Variants in LMNTD1 observed in about 807,000 individuals in gnomAD.
LMNTD1 encodes lamin tail domain containing 1, also known as lamin tail domain-containing protein 1.
LMNTD1 carries 35 observed loss-of-function variants against 50.9 expected under a neutral mutation model. The ratio of observed to expected loss-of-function variants is 0.69; its 90% CI spans 0.53 to 0.91. The LOEUF (loss-of-function observed/expected upper bound fraction) is 0.91, where lower values mean the gene tolerates loss of function less well. Among genes scored for constraint, LMNTD1 ranks in the 40% least tolerant of loss-of-function variants. LMNTD1 has a pLI of 0.00. For missense variants in LMNTD1, 470 were observed against 475.5 expected (o/e 0.99, Z 0.11); for synonymous variants, 153 against 161.9 (o/e 0.94, Z 0.42).
intron 9 of LMNTD1, among the ~76,000 whole-genome samples, chr12:25,483,641 G>A (rs541655138): frequency 4.6e-5 from 7 of 151,712 alleles, no homozygotes; most frequent in South Asian, 2.1e-4. Context: ...TCATGGTGGC[G>A]CTTGCCTGTA....
intron 1 of LMNTD1, among the ~76,000 whole-genome samples, chr12:25,603,318 T>C (rs1946019332): frequency 6.6e-6 from 1 of 152,102 alleles, no homozygotes; most frequent in South Asian, 2.1e-4. Flanking sequence ...AGATGGGATC[T>C]CACTGTGTTG....
At chr12:25,516,865 AAAAC>A (rs1354954610) in intron 8 of LMNTD1, among the ~76,000 whole-genome samples, 3 of 151,800 alleles carry the variant, frequency 2.0e-5, no homozygotes, top group Admixed American at 1.3e-4. Context: ...TTACAAGAAA[AAAAC>A]AAACAATGCC....
chr12:25,520,139 GATATACATATATATATATATATAT>G lies in LMNTD1; in HGVS notation c.799-88_799-65del, dbSNP rs1256508291. 110 of 152,448 alleles carry G rather than the reference GATATACATATATATATATATATAT, an allele frequency of 7.2e-4. 27 individuals are homozygous for G. The East Asian group carries it at 0.018, about 25-fold the overall frequency. 9.4% of individuals were successfully genotyped at this position (152,448 alleles called of 1,614,324 possible). On this transcript the variant is annotated intron_variant, in intron 6 of 9. Transcript: ENST00000458174. ...TGAGGTTTACAACATGCTGTTATGA[GATATACATATATATATATATATAT>G]ATATATATATATAGTAAAATGGTTA...
chr12:25,572,573 G>T lies in LMNTD1; in HGVS notation c.59-26019C>A, dbSNP rs1944840536. 2.0e-5 allele frequency among the ~76,000 whole-genome samples: 3 copies of T among 152,104 alleles called. No individual in the cohort carries two copies. The South Asian group carries it at 6.2e-4, about 32-fold the overall frequency. On this transcript the variant is annotated intron_variant, in intron 1 of 7. Transcript: ENST00000445693. The stretch of plus-strand genomic sequence containing the variant: ...AACTCACAACATTGAAACCTGCAGG[G>T]TTACACTGGGGAGGAGGGGAAGGAA...
At chr12:25,578,413 C>CT (rs958338674) in intron 1 of LMNTD1, among the ~76,000 whole-genome samples, 9 of 151,914 alleles carry the variant, frequency 5.9e-5, no homozygotes, top group African/African-American at 1.9e-4. Flanking sequence ...AACTCCATAG[C>CT]TTTTTTTTCC....
chr12:25,633,747 T>C (rs1478656730), intron 1 of LMNTD1, among the ~76,000 whole-genome samples: 1 of 152,030 alleles, frequency 6.6e-6, no homozygotes, highest in Non-Finnish European at 1.5e-5. Flanking sequence ...ACTGACATTC[T>C]AAGGTCACAC....
intron 1 of LMNTD1, among the ~76,000 whole-genome samples, chr12:25,629,086 G>C (rs1363946675): frequency 6.6e-6 from 1 of 151,638 alleles, no homozygotes; most frequent in Non-Finnish European, 1.5e-5. Context: ...TGAAGATGTA[G>C]AAATGTTTAT....
chr12:25,479,272 T>C (rs1469918409), intron 9 of LMNTD1, among the ~76,000 whole-genome samples: 3 of 152,140 alleles, frequency 2.0e-5, no homozygotes, highest in East Asian at 1.9e-4. Flanking sequence ...GCAGAACGTA[T>C]TGTCGTGGGA....
At chr12:25,569,195 A>G (rs973945667) in intron 1 of LMNTD1, among the ~76,000 whole-genome samples, 8 of 151,762 alleles carry the variant, frequency 5.3e-5, no homozygotes, top group African/African-American at 1.7e-4. Context: ...TCCACCCATT[A>G]TACAGTGTGC....
At chr12:25,543,464 A>T (rs1386987954) in intron 4 of LMNTD1, among the ~76,000 whole-genome samples, 1 of 152,010 alleles carries the variant, frequency 6.6e-6, no homozygotes, top group African/African-American at 2.4e-5. Context: ...TTAACATTAA[A>T]AAAGAAAAAC....
intron 1 of LMNTD1, among the ~76,000 whole-genome samples, chr12:25,601,542 T>C (rs1945974881): frequency 6.6e-6 from 1 of 151,936 alleles, no homozygotes; most frequent in Admixed American, 6.6e-5. Flanking sequence ...TTATGAAGCA[T>C]TGCATGCCTG....
At chr12:25,559,761 C>G (rs548192201) in intron 1 of LMNTD1, among the ~76,000 whole-genome samples, 1 of 152,290 alleles carries the variant, frequency 6.6e-6, no homozygotes, top group East Asian at 1.9e-4. Context: ...GATGGTATCT[C>G]ATTGTGGTTT....
intron 2 of LMNTD1, among the ~76,000 whole-genome samples, chr12:25,551,908 T>C (rs1943767022): frequency 6.6e-6 from 1 of 152,214 alleles, no homozygotes; most frequent in Admixed American, 6.5e-5. Context: ...CCTCCGTAAT[T>C]GATTAACATT....
chr12:25,561,494 T>C (rs1334740758), intron 1 of LMNTD1, among the ~76,000 whole-genome samples: 3 of 152,232 alleles, frequency 2.0e-5, no homozygotes, highest in Non-Finnish European at 2.9e-5. Context: ...GATTGCACTG[T>C]GGTCTGAGAG....
intron 1 of LMNTD1, among the ~76,000 whole-genome samples, chr12:25,590,695 A>G (rs1945670960): frequency 6.6e-6 from 1 of 152,174 alleles, no homozygotes; most frequent in African/African-American, 2.4e-5. Flanking sequence ...TTTGTCTGGC[A>G]TCTTGAACGT....
chr12:25,535,759 T>C (rs1050050232), intron 4 of LMNTD1, among the ~76,000 whole-genome samples: 4 of 152,124 alleles, frequency 2.6e-5, no homozygotes, highest in Non-Finnish European at 4.4e-5. Flanking sequence ...ATAGTTTAAA[T>C]GCCCCAATGA....
intron 5 of LMNTD1, 41 bp downstream of exon 5, chr12:25,526,728 T>C (rs1941742214): frequency 1.4e-6 from 2 of 1,384,928 alleles, no homozygotes; most frequent in African/African-American, 2.9e-5. Context: ...AAGTTTGTCC[T>C]GTACAATTCT....
intron 1 of LMNTD1, among the ~76,000 whole-genome samples, chr12:25,573,207 A>G (rs1004247242): frequency 2.0e-5 from 3 of 151,848 alleles, no homozygotes; most frequent in African/African-American, 7.3e-5. Flanking sequence ...TCCTTTTCTT[A>G]TCTTCAACCA....
intron 9 of LMNTD1, among the ~76,000 whole-genome samples, chr12:25,479,632 C>T (rs550674442): frequency 3.9e-5 from 6 of 152,262 alleles, no homozygotes; most frequent in Middle Eastern, 6.8e-3. Flanking sequence ...TGGTCAGAGG[C>T]AATGCTGTGT....
Sources: allele counts gnomAD v4.1 joint callset (sites outside exome capture counted in the v4.1 genomes callset), GRCh38; gene constraint gnomAD v4.1.1; transcripts MANE v1.5; gene names NCBI Gene and HGNC (gene_info 2026-07-23, HGNC 2026-07-21).